The following CTSW variants were observed in gnomAD, a reference collection of about 807,000 sequenced individuals.
CTSW encodes cathepsin W, also known as lymphopain.
CTSW carries 42 observed loss-of-function variants against 43.8 expected under a neutral mutation model. That is an observed-to-expected ratio of 0.96 (90% CI 0.75 to 1.24). The LOEUF (loss-of-function observed/expected upper bound fraction) is 1.24. Among genes scored for constraint, CTSW ranks in the 50% most tolerant of loss-of-function variants. The probability of loss-of-function intolerance (pLI) is 0.00; values close to 1 mark genes in which losing one functional copy is unlikely to be tolerated. For missense variants in CTSW, 475 were observed against 479.9 expected (o/e 0.99, Z 0.09); for synonymous variants, 191 against 184.8 (o/e 1.03, Z -0.27).
rs749890812 is a variant in CTSW at position 65,882,655 on chromosome 11, C to T, written c.585C>T (p.Phe195=). 35 of 1,614,084 alleles carry T rather than the reference C, an allele frequency of 2.2e-5. No individual in the cohort carries two copies. Among genetic ancestry groups the T allele is most frequent in the Middle Eastern group, 1.7e-4 (1 of 6,058 alleles). The part of the protein sequence containing the change: ...GRCGDGCHGG[F]VWDAFITVLN... ...GTGGGGATGGCTGCCACGGTGGCTT[C>T]GTCTGGGACGCGTTCATAACTGTCC... Residue 195 remains phenylalanine (F), a synonymous_variant, in exon 6 of 10, where the codon TTC becomes TTT. Coordinates refer to ENST00000307886, the MANE Select transcript of CTSW (RefSeq NM_001335.4).
chr11:65,879,985 G>C (rs1285820770), intron 1 of CTSW, 44 bp downstream of exon 1: 2 of 1,526,102 alleles, frequency 1.3e-6, no homozygotes, highest in Non-Finnish European at 9.0e-7. Flanking sequence ...CCACGCCTGG[G>C]GTCACCCCTT....
At position 65,879,904 on chromosome 11, in the gene CTSW, G is replaced by A; in HGVS notation, c.50G>A (p.Gly17Asp). 2 of 1,613,794 alleles carry A rather than the reference G, an allele frequency of 1.2e-6. No homozygotes were observed. The highest frequency in any genetic ancestry group is 1.1e-5 in the South Asian group (1 of 90,974). The change falls in exon 1 of 10, where the codon GGC becomes GAC. Residue 17 changes from glycine (G) to aspartate (D), a missense_variant. Physicochemically the swap from Gly to Asp is moderately conservative, Grantham distance 94. Coordinates refer to ENST00000307886, the MANE Select transcript of CTSW (RefSeq NM_001335.4). Reference sequence around the variant, plus strand: ...TGCCTCCTGGCCCTGTTGGTGGCAGGCCTAGCCCAAGGCATCAGAGGCCCC... The same window carrying A: ...TGCCTCCTGGCCCTGTTGGTGGCAGACCTAGCCCAAGGCATCAGAGGCCCC... Reference protein sequence around the residue: ...PSCLLALLVAGLAQGIRGPLR... With the variant: ...PSCLLALLVADLAQGIRGPLR...
At chr11:65,880,937 T>A (rs1591072175) in intron 2 of CTSW, among the ~76,000 whole-genome samples, 1 of 152,140 alleles carries the variant, frequency 6.6e-6, no homozygotes, top group East Asian at 1.9e-4. Flanking sequence ...ATTGGGGACT[T>A]CTTCTCTAGC....
In CTSW at chr11:65,882,257, G is replaced by A. The variant is rs780975508; in HGVS notation, c.369G>A (p.Glu123=). The A allele has an allele frequency of 6.2e-7, 1 of 1,614,198 alleles. No homozygotes were observed. ...PSMGREIRSE[E]PEESVPFSCD... ...TGGGCAGAGAAATAAGGTCTGAAGA[G>A]CCAGAGGAGTCAGTACCTTTCAGCT... is the stretch of plus-strand genomic sequence containing the variant. Residue 123 remains glutamate (E), a synonymous_variant, in exon 4 of 10, where the codon GAG becomes GAA. Coordinates refer to ENST00000307886, the MANE Select transcript of CTSW (RefSeq NM_001335.4).
rs79769976 is a variant in CTSW, at chr11:65,882,747, G to A, written c.620-32G>A. The A allele has an allele frequency of 2.2e-4, 360 of 1,614,140 alleles. 1 individual carries two copies. The African/African-American group carries it at 4.2e-3, about 19-fold the overall frequency. ...GCAGGGGGACAGGGTGGGCAGGAGC[G>A]GAACCTCCTCCCTTGTCTTGCTTAT... On this transcript the variant is annotated intron_variant, in intron 6 of 9. Coordinates refer to ENST00000307886, the MANE Select transcript of CTSW (RefSeq NM_001335.4).
intron 2 of CTSW, 25 bp from the exon 3 acceptor site, chr11:65,881,382 C>CT: frequency 1.3e-6 from 2 of 1,547,318 alleles, no homozygotes; most frequent in Non-Finnish European, 1.8e-6. Context: ...GGGAGTCAGC[C>CT]TAGGACAACT....
chr11:65,880,355 CTT>C, intron 2 of CTSW, 69 bp downstream of exon 2: 3 of 1,294,478 alleles, frequency 2.3e-6, no homozygotes, highest in South Asian at 2.5e-5. Flanking sequence ...GAGTTTCACT[CTT>C]GTTGACCAGG....
chr11:65,881,931 G>A (rs116752975), intron 3 of CTSW, among the ~76,000 whole-genome samples: 9 of 152,160 alleles, frequency 5.9e-5, no homozygotes, highest in Non-Finnish European at 1.0e-4. Context: ...CTACAAGCCC[G>A]CACAACCACG....
At position 65,883,367 on chromosome 11, in the gene CTSW, A is replaced by G. The variant is rs757714008; in HGVS notation, c.963A>G (p.Pro321=). ...TVSSQSQPQP[P]HPTPYWILKN... ...CATCGCAGTCTCAGCCTCAGCCTCC[A>G]CACCCCACCCCATACTGGATCCTGA... The change falls in exon 9 of 10, where the codon CCA becomes CCG. Residue 321 remains proline (P), a synonymous_variant. Transcript: ENST00000307886. The G allele has an allele frequency of 1.2e-6, 2 of 1,613,986 alleles. No individual in the cohort carries two copies. The highest frequency in any genetic ancestry group is 4.5e-5 in the East Asian group (2 of 44,868).
Position 65,879,868 on chromosome 11 carries a change from C to G in CTSW, c.14C>G (p.Ala5Gly). MALT[A>G]HPSCLLALLV... ...GACTGCACCGGCATGGCACTGACTG[C>G]CCACCCCTCCTGCCTCCTGGCCCTG... Residue 5 changes from alanine (A) to glycine (G), a missense_variant, in exon 1 of 10, where the codon GCC becomes GGC. Physicochemically the swap from Ala to Gly is moderately conservative, Grantham distance 60. Transcript: ENST00000307886. 1.2e-6 allele frequency: 2 copies of G among 1,613,742 alleles called. No homozygotes were observed. Among genetic ancestry groups the G allele is most frequent in the African/African-American group, 1.3e-5 (1 of 75,054 alleles).
chr11:65,883,677 C>A lies in CTSW; in HGVS notation c.*59C>A. The A allele has an allele frequency of 6.6e-7, 1 of 1,507,672 alleles. No individual in the cohort carries two copies. The highest frequency in any genetic ancestry group is 1.1e-5 in the South Asian group (1 of 88,794). The allele number at this position is 1,507,672 out of a possible 1,614,324, so 93.4% of individuals were successfully genotyped here. On this transcript the variant is annotated 3_prime_UTR_variant, in exon 10 of 10. Transcript: ENST00000307886. Reference sequence around the variant, plus strand: ...GCCAACTGCCTCCTTGCCAGCCCCACCCCCAGGTTTTTGCCCATCCTCCCA... The same window carrying A: ...GCCAACTGCCTCCTTGCCAGCCCCAACCCCAGGTTTTTGCCCATCCTCCCA...
Position 65,883,249 on chromosome 11 carries a change from C to T in CTSW, c.845C>T (p.Thr282Ile). 6.2e-7 allele frequency: 1 copy of T among 1,613,988 alleles called. No individual in the cohort carries two copies. The highest frequency in any genetic ancestry group is 8.5e-7 in the Non-Finnish European group (1 of 1,179,938). Residue 282 changes from threonine (T) to isoleucine (I), a missense_variant, in exon 9 of 10, where the codon ACC (threonine) becomes ATC (isoleucine). Transcript: ENST00000307886. ...AAAGGTGTGATCAAGGCCACACCCA[C>T]CACCTGTGACCCCCAGCTTGTGGAC... ...YRKGVIKATP[T>I]TCDPQLVDHS...
intron 1 of CTSW, 82 bp from the exon 2 acceptor site, chr11:65,880,120 C>T (rs1277256010): frequency 7.4e-7 from 1 of 1,353,702 alleles, no homozygotes; most frequent in Non-Finnish European, 1.1e-6. Flanking sequence ...TAGCCCAGTC[C>T]TTGCACGGCT....
rs760300790 is a variant in CTSW at position 65,879,911 on chromosome 11, CCAAGG to C, written c.60_64del (p.Gln20HisfsTer6). 12 of 1,613,604 alleles carry C rather than the reference CCAAGG, an allele frequency of 7.4e-6. No homozygotes were observed. The highest frequency in any genetic ancestry group is 3.3e-5 in the Admixed American group (2 of 59,984). ...TGGCCCTGTTGGTGGCAGGCCTAGC[CCAAGG>C]CATCAGAGGCCCCCTTAGGGCCCAG... On this transcript the variant is annotated frameshift_variant, in exon 1 of 10. Coordinates refer to ENST00000307886, the MANE Select transcript of CTSW (RefSeq NM_001335.4). LOFTEE classifies it high-confidence loss of function.
Position 65,880,775 on chromosome 11 carries a change from G to C in CTSW, c.172+489G>C, listed in dbSNP as rs1168935820. Among the ~76,000 whole-genome samples the C allele has an allele frequency of 3.3e-5, 5 of 152,186 alleles. No homozygotes were observed. In the East Asian group the frequency reaches 9.6e-4, roughly 29 times the overall value. Reference sequence around the variant, plus strand: ...GATCATTCTTTGCTATGGATCTGGAGGGCAGTGGCAGGAGGTGGGGTCCTG... The same window carrying C: ...GATCATTCTTTGCTATGGATCTGGACGGCAGTGGCAGGAGGTGGGGTCCTG... On this transcript the variant is annotated intron_variant, in intron 2 of 9. Transcript: ENST00000307886.
At position 65,882,229 on chromosome 11, in the gene CTSW, G is replaced by T; in HGVS notation, c.341G>T (p.Ser114Ile). The change falls in exon 4 of 10, where the codon AGC becomes ATC. Residue 114 changes from serine to isoleucine, a missense_variant. Ser to Ile is a moderately radical substitution (Grantham distance 142, BLOSUM62 -2). Transcript: ENST00000307886. ...GYRRAAGGVP[S>I]MGREIRSEEP... is the part of the protein sequence containing the mutation. ...CGGAGGGCAGCTGGAGGGGTCCCCA[G>T]CATGGGCAGAGAAATAAGGTCTGAA... 1 of 1,614,190 alleles carries T rather than the reference G, an allele frequency of 6.2e-7. No individual in the cohort carries two copies. Among genetic ancestry groups the T allele is most frequent in the Non-Finnish European group, 8.5e-7 (1 of 1,180,040 alleles).
chr11:65,882,079 C>T, intron 3 of CTSW, 96 bp from the exon 4 acceptor site: 1 of 1,479,374 alleles, frequency 6.8e-7, no homozygotes. Context: ...CCTTTTTGCC[C>T]CTCAGGGAAT....
chr11:65,883,449 G>T, intron 9 of CTSW, 25 bp downstream of exon 9: 2 of 1,613,654 alleles, frequency 1.2e-6, no homozygotes. Flanking sequence ...TTGGGGGAGG[G>T]GGCAAGGCAG....
At position 65,880,238 on chromosome 11, in the gene CTSW, T is replaced by G; in HGVS notation, c.124T>G (p.Phe42Val). 6.2e-7 allele frequency: 1 copy of G among 1,614,124 alleles called. No individual in the cohort carries two copies. ...GPQPLELKEA[F>V]KLFQIQFNRS... ...CCAGCCGCTAGAGCTGAAAGAGGCC[T>G]TCAAGTTGTTCCAGATCCAGTTCAA... Residue 42 changes from phenylalanine to valine, a missense_variant, in exon 2 of 10, where the codon TTC (phenylalanine) becomes GTC (valine). Transcript: ENST00000307886.
Sources: allele counts gnomAD v4.1 joint callset (sites outside exome capture counted in the v4.1 genomes callset), GRCh38; gene constraint gnomAD v4.1.1; transcripts MANE v1.5; gene names NCBI Gene and HGNC (gene_info 2026-07-23, HGNC 2026-07-21).